ZNF599: variants seen among roughly 807,000 people sequenced by gnomAD.
ZNF599 encodes the protein zinc finger protein 599.
ZNF599 carries 10 observed loss-of-function variants against 11.7 expected under a neutral mutation model. The observed-to-expected ratio is 0.86, with a 90% CI of 0.53 to 1.45. The LOEUF (loss-of-function observed/expected upper bound fraction) is 1.45. ZNF599 is among the 40% of genes most tolerant of loss of function. ZNF599 has a pLI of 0.00. For synonymous variants in ZNF599, 232 were observed against 253.2 expected, an observed-to-expected ratio of 0.92 and a Z score of 0.79; for missense variants, 688 against 713.6, an observed-to-expected ratio of 0.96 and a Z score of 0.41.
At chr19:34,794,397 A>G in the ZNF599 span, among the ~76,000 whole-genome samples, 5 of 152,122 alleles carry the variant, frequency 3.3e-5, no homozygotes, top group Non-Finnish European at 2.9e-5. Context: ...ACAATGAGCA[A>G]CGAGGGCAAC....
the ZNF599 span, chr19:34,779,416 A>C: frequency 2.2e-6 from 1 of 451,412 alleles, no homozygotes; most frequent in African/African-American, 2.0e-5. Context: ...CTTTTTCCAT[A>C]GTCACTACAC....
the ZNF599 span, among the ~76,000 whole-genome samples, chr19:34,804,627 A>G: frequency 6.6e-6 from 1 of 152,238 alleles, no homozygotes; most frequent in South Asian, 2.1e-4. Flanking sequence ...AGTCCACTTG[A>G]TGTCTTCACT....
the ZNF599 span, among the ~76,000 whole-genome samples, chr19:34,806,766 G>C: frequency 5.9e-5 from 9 of 152,190 alleles, no homozygotes; most frequent in Admixed American, 3.9e-4. Context: ...CTTGCCCAAG[G>C]GACTCTCCAA....
At chr19:34,769,335 G>C in intron 2 of ZNF599, 94 bp downstream of exon 2, 1 of 1,571,728 alleles carries the variant, frequency 6.4e-7, no homozygotes, top group South Asian at 1.1e-5. Context: ...ATCAGGGAAG[G>C]TTGGGTTCTG....
chr19:34,781,565 G>A, the ZNF599 span, among the ~76,000 whole-genome samples: 28 of 152,224 alleles, frequency 1.8e-4, no homozygotes, highest in African/African-American at 6.0e-4. Context: ...GGAAGTGGAA[G>A]GAAGCAACTG....
chr19:34,786,553 G>C, the ZNF599 span, among the ~76,000 whole-genome samples: 2 of 152,278 alleles, frequency 1.3e-5, no homozygotes, highest in South Asian at 4.1e-4. Flanking sequence ...AGCCCACAGC[G>C]CCTATGTGGG....
chr19:34,778,323 A>G, the ZNF599 span, among the ~76,000 whole-genome samples: 1 of 150,866 alleles, frequency 6.6e-6, no homozygotes, highest in Non-Finnish European at 1.5e-5. Flanking sequence ...AATAAAAAAT[A>G]TATATATATA....
the ZNF599 span, among the ~76,000 whole-genome samples, chr19:34,792,275 C>A: frequency 6.6e-6 from 1 of 152,172 alleles, no homozygotes; most frequent in East Asian, 1.9e-4. Flanking sequence ...TGGGTCTCAA[C>A]CTCCCTGAAC....
rs1470395624 is a variant in ZNF599, at chr19:34,759,447, C to G, written c.1354G>C (p.Glu452Gln). ...AAAGCCTTTCCACATTCACTGCACT[C>G]ATAAGGCTTCTCACCAGTGTGAATC... The part of the protein sequence containing the change: ...MRIHTGEKPY[E>Q]CSECGKAFTH... Residue 452 changes from glutamate (E) to glutamine (Q), a missense_variant, in exon 4 of 4, where the codon GAG (glutamate) becomes CAG (glutamine). Physicochemically the swap from Glu to Gln is conservative, Grantham distance 29. Coordinates refer to ENST00000329285, the MANE Select transcript of ZNF599 (RefSeq NM_001007248.3). 1 of 1,614,176 alleles carries G rather than the reference C, an allele frequency of 6.2e-7. No individual in the cohort carries two copies. Among genetic ancestry groups the G allele is most frequent in the Admixed American group, 1.7e-5 (1 of 60,024 alleles).
intron 1 of ZNF599, among the ~76,000 whole-genome samples, chr19:34,771,070 T>C (rs1412467981): frequency 1.3e-5 from 2 of 151,836 alleles, no homozygotes; most frequent in African/African-American, 2.4e-5. Context: ...AGTTCAGGAG[T>C]TCGAGGCCAG....
At chr19:34,792,673 C>G in the ZNF599 span, among the ~76,000 whole-genome samples, 1 of 152,010 alleles carries the variant, frequency 6.6e-6, no homozygotes, top group Non-Finnish European at 1.5e-5. Context: ...ACCATCCTGG[C>G]TAACACGGTG....
intron 1 of ZNF599, among the ~76,000 whole-genome samples, chr19:34,771,185 G>A (rs2069181558): frequency 6.6e-6 from 1 of 152,162 alleles, no homozygotes. Context: ...CAGTGGGGAG[G>A]ATTGCTAGTG....
chr19:34,760,390 T>C lies in ZNF599; in HGVS notation c.411A>G (p.Pro137=). ...ATATCTCTTTGTGGGGGTTTGTTCCTGGCCTCAAGTTCCCTTCCTGAATTT... is the reference window on the plus strand; with the variant it reads ...ATATCTCTTTGTGGGGGTTTGTTCCCGGCCTCAAGTTCCCTTCCTGAATTT... ...LIKIQEGNLR[P]GTNPHKEICP... is the part of the protein sequence containing the mutation. Residue 137 remains proline, a synonymous_variant, in exon 4 of 4, where the codon CCA becomes CCG. Coordinates refer to ENST00000329285, the MANE Select transcript of ZNF599 (RefSeq NM_001007248.3). The C allele has an allele frequency of 6.2e-7, 1 of 1,614,178 alleles. No homozygotes were observed.
chr19:34,762,789 C>G (rs2069120346), intron 3 of ZNF599: 1 of 152,112 alleles, frequency 6.6e-6, no homozygotes, highest in Admixed American at 6.5e-5. Flanking sequence ...TACACACACA[C>G]AAGAATACAA....
intron 1 of ZNF599, among the ~76,000 whole-genome samples, chr19:34,772,031 T>G (rs1211416021): frequency 6.6e-6 from 1 of 151,822 alleles, no homozygotes; most frequent in Non-Finnish European, 1.5e-5. Context: ...TGAGGAAAAA[T>G]GAATAGACAA....
At chr19:34,784,406 G>A in the ZNF599 span, among the ~76,000 whole-genome samples, 241 of 152,222 alleles carry the variant, frequency 1.6e-3, 5 homozygotes, top group South Asian at 0.036. Flanking sequence ...AAATAAGATC[G>A]CATTTTAAGG....
the ZNF599 span, among the ~76,000 whole-genome samples, chr19:34,803,425 A>G: frequency 6.6e-6 from 1 of 152,168 alleles, no homozygotes; most frequent in African/African-American, 2.4e-5. Flanking sequence ...AACATCATCA[A>G]GGAGACTCCA....
upstream of ZNF599, among the ~76,000 whole-genome samples, chr19:34,777,354 ATATATTAATATATT>A (rs1568496913): frequency 1.1e-5 from 1 of 91,602 alleles, no homozygotes; most frequent in African/African-American, 4.5e-5. Flanking sequence ...ATTATATATT[ATATATTAATATATT>A]ATATATTATA....
At chr19:34,777,465 T>TGC (rs1310560062), upstream of ZNF599, among the ~76,000 whole-genome samples, 50 of 96,458 alleles carry the variant, frequency 5.2e-4, no homozygotes, top group African/African-American at 2.3e-3. Flanking sequence ...ATATAATATA[T>TGC]TATATATTAA....
Sources: allele counts gnomAD v4.1 joint callset (sites outside exome capture counted in the v4.1 genomes callset), GRCh38; gene constraint gnomAD v4.1.1; transcripts MANE v1.5; gene names NCBI Gene and HGNC (gene_info 2026-07-23, HGNC 2026-07-21).